Variants in PPFIBP1 observed in about 807,000 individuals in gnomAD.
The protein encoded by PPFIBP1 is liprin-beta-1.
In PPFIBP1, 112 loss-of-function variants were observed where a neutral mutation model predicts 137.8. The ratio of observed to expected loss-of-function variants is 0.81; its 90% CI spans 0.70 to 0.95. The LOEUF is 0.95. Ranked by LOEUF, PPFIBP1 falls within the 40% of genes least tolerant of loss-of-function variation. PPFIBP1 has a pLI of 0.00. For missense variants in PPFIBP1, 1,083 were observed against 1,196.6 expected, an observed-to-expected ratio of 0.91 and a Z score of 1.40; for synonymous variants, 378 against 417.3, an observed-to-expected ratio of 0.91 and a Z score of 1.15.
chr12:27,568,650 C>T (rs569058419), intron 1 of PPFIBP1, among the ~76,000 whole-genome samples: 3 of 152,292 alleles, frequency 2.0e-5, no homozygotes, highest in South Asian at 2.1e-4. Context: ...CAGCCTCTCC[C>T]AGACTTCTCC....
chr12:27,526,703 T>C lies in PPFIBP1; in HGVS notation c.-124+2338T>C, dbSNP rs185010610. ...ACAAAAAAATTGCCGGGTGTGGTGG[T>C]GGGCACCTGTAATCTCAGCTACTTG... On this transcript the variant is annotated intron_variant, in intron 1 of 29. Transcript: ENST00000228425. Among the ~76,000 whole-genome samples, 670 of 152,140 alleles carry C rather than the reference T, an allele frequency of 4.4e-3. 1 individual carries two copies. The highest frequency in any genetic ancestry group is 0.015 in the African/African-American group (630 of 41,492).
At chr12:27,538,558 G>A (rs1322174621) in intron 1 of PPFIBP1, among the ~76,000 whole-genome samples, 1 of 152,122 alleles carries the variant, frequency 6.6e-6, no homozygotes, top group African/African-American at 2.4e-5. Context: ...TTCTGGATTT[G>A]TCTTATTTCT....
chr12:27,687,602 A>G (rs1037342645), intron 25 of PPFIBP1, 95 bp downstream of exon 25: 1 of 1,401,078 alleles, frequency 7.1e-7, no homozygotes, highest in Non-Finnish European at 9.6e-7. Flanking sequence ...TGGAGCCTGC[A>G]GGAAAAGCCT....
intron 2 of PPFIBP1, among the ~76,000 whole-genome samples, chr12:27,625,808 T>G (rs1202614233): frequency 1.3e-5 from 2 of 152,078 alleles, no homozygotes; most frequent in African/African-American, 4.8e-5. Flanking sequence ...GGTCTCGAAC[T>G]CCTGACCTCA....
chr12:27,676,859 A>G lies in PPFIBP1; in HGVS notation c.1583-205A>G, dbSNP rs907536979. On this transcript the variant is annotated intron_variant, in intron 18 of 29. Transcript: ENST00000228425. ...AATCATGATTCCCTTTGACTTCATC[A>G]TGGAGTTTCCCATCTGTTGTGATAG... 7 of 761,452 alleles carry G rather than the reference A, an allele frequency of 9.2e-6. No homozygotes were observed. In the African/African-American group the frequency reaches 1.0e-4, roughly 11 times the overall value. 47.2% of individuals were successfully genotyped at this position (761,452 alleles called of 1,614,324 possible).
chr12:27,557,783 C>T (rs1308323249), intron 1 of PPFIBP1, among the ~76,000 whole-genome samples: 2 of 152,122 alleles, frequency 1.3e-5, no homozygotes, highest in African/African-American at 4.8e-5. Context: ...AAATGCCTCC[C>T]TATAGGGGTT....
At chr12:27,558,208 A>C (rs1181442637) in intron 1 of PPFIBP1, among the ~76,000 whole-genome samples, 1 of 151,834 alleles carries the variant, frequency 6.6e-6, no homozygotes, top group East Asian at 1.9e-4. Flanking sequence ...TAGTATGCTC[A>C]CATATTCTCT....
intron 3 of PPFIBP1, among the ~76,000 whole-genome samples, chr12:27,633,995 C>A (rs1187476864): frequency 6.6e-6 from 1 of 151,766 alleles, no homozygotes; most frequent in Non-Finnish European, 1.5e-5. Flanking sequence ...CACCACCACG[C>A]CTGGCTAATT....
chr12:27,559,254 C>T (rs766415669), intron 1 of PPFIBP1, among the ~76,000 whole-genome samples: 10 of 151,998 alleles, frequency 6.6e-5, no homozygotes, highest in South Asian at 2.1e-4. Flanking sequence ...CTGCAAGCCC[C>T]GCCTCCCAGG....
intron 4 of PPFIBP1, among the ~76,000 whole-genome samples, chr12:27,640,558 G>A (rs916818329): frequency 6.6e-6 from 1 of 152,084 alleles, no homozygotes. Context: ...TATGACTAGG[G>A]TAATATTATA....
At chr12:27,525,452 T>C (rs1368597905) in intron 1 of PPFIBP1, among the ~76,000 whole-genome samples, 1 of 142,950 alleles carries the variant, frequency 7.0e-6, no homozygotes, top group African/African-American at 2.6e-5. Flanking sequence ...GGAAATTGAC[T>C]CCATACACCG....
intron 6 of PPFIBP1, among the ~76,000 whole-genome samples, chr12:27,648,359 C>T (rs533930616): frequency 6.6e-6 from 1 of 152,132 alleles, no homozygotes; most frequent in African/African-American, 2.4e-5. Flanking sequence ...GAAATGCTGG[C>T]AAAGATGTGA....
At position 27,667,163 on chromosome 12, in the gene PPFIBP1, T is replaced by C. The variant is rs1380025956; in HGVS notation, c.992-3T>C. 1 of 1,556,578 alleles carries C rather than the reference T, an allele frequency of 6.4e-7. No homozygotes were observed. ...GTCTTCTCTTTGTTTTATCTTTTCC[T>C]AGGCAAAGATGGAGAATATGAAGAG... is the stretch of plus-strand genomic sequence containing the variant. On this transcript the variant is annotated splice_polypyrimidine_tract_variant and splice_region_variant and intron_variant, in intron 12 of 29. Transcript: ENST00000228425.
intron 1 of PPFIBP1, among the ~76,000 whole-genome samples, chr12:27,539,629 G>T (rs1333470920): frequency 6.6e-6 from 1 of 152,160 alleles, no homozygotes; most frequent in East Asian, 1.9e-4. Context: ...CTATCTGTGG[G>T]AGTAGAAGGG....
chr12:27,631,418 TTTTTCCCC>T (rs1260240989), intron 2 of PPFIBP1, among the ~76,000 whole-genome samples: 2 of 152,164 alleles, frequency 1.3e-5, no homozygotes, highest in African/African-American at 2.4e-5. Flanking sequence ...TCCTACTCCA[TTTTTCCCC>T]TTAGCACCTA....
At chr12:27,681,737 A>T in intron 22 of PPFIBP1, 41 bp downstream of exon 22, 8 of 1,605,262 alleles carry the variant, frequency 5.0e-6, no homozygotes, top group African/African-American at 1.3e-5. Context: ...GGATACTGAG[A>T]AGAAAACAGT....
chr12:27,602,119 G>A (rs896129958), intron 2 of PPFIBP1, among the ~76,000 whole-genome samples: 10 of 152,160 alleles, frequency 6.6e-5, no homozygotes, highest in African/African-American at 1.9e-4. Flanking sequence ...AGAACATTGA[G>A]CAAAAAGTTT....
chr12:27,530,225 A>T (rs1358610255), intron 1 of PPFIBP1, among the ~76,000 whole-genome samples: 2 of 152,226 alleles, frequency 1.3e-5, no homozygotes, highest in Admixed American at 1.3e-4. Flanking sequence ...ATTTGAATAC[A>T]TCTACTTTTT....
At chr12:27,666,701 G>A (rs1290637414) in intron 12 of PPFIBP1, among the ~76,000 whole-genome samples, 1 of 152,022 alleles carries the variant, frequency 6.6e-6, no homozygotes, top group Non-Finnish European at 1.5e-5. Context: ...TGTTTTTTCT[G>A]TTCTCCTATG....
Sources: gnomAD v4.1 joint callset for allele counts (sites outside exome capture counted in the v4.1 genomes callset) on GRCh38, gnomAD v4.1.1 for gene constraint, MANE v1.5 for transcripts, NCBI Gene and HGNC (gene_info 2026-07-23, HGNC 2026-07-21) for gene names.